Variants in KCNJ12 observed in about 807,000 individuals in gnomAD.
KCNJ12 encodes potassium inwardly rectifying channel subfamily J member 12, also known as ATP-sensitive inward rectifier potassium channel 12.
KCNJ12 carries 2 observed loss-of-function variants against 22.3 expected under a neutral mutation model. That is an observed-to-expected ratio of 0.09 (90% CI 0.04 to 0.28). The LOEUF is 0.28. Among genes scored for constraint, KCNJ12 ranks in the 10% least tolerant of loss-of-function variants. The pLI is 1.00. For synonymous variants in KCNJ12, 117 were observed against 261.4 expected, an observed-to-expected ratio of 0.45 and a Z score of 5.33; for missense variants, 155 against 633.3, an observed-to-expected ratio of 0.24 and a Z score of 8.11.
chr17:21,395,004 A>C (rs2142057017), intron 1 of KCNJ12, among the ~76,000 whole-genome samples: 1 of 152,282 alleles, frequency 6.6e-6, no homozygotes, highest in South Asian at 2.1e-4. Flanking sequence ...CTAGCACAGA[A>C]GTGTTGATGA....
At chr17:21,403,472 C>T (rs1905748976) in intron 1 of KCNJ12, among the ~76,000 whole-genome samples, 1 of 152,250 alleles carries the variant, frequency 6.6e-6, no homozygotes, top group African/African-American at 2.4e-5. Flanking sequence ...TACCTTGTGT[C>T]CTTGCTCTCC....
At chr17:21,388,666 A>G (rs1380946858) in intron 1 of KCNJ12, among the ~76,000 whole-genome samples, 1 of 152,118 alleles carries the variant, frequency 6.6e-6, no homozygotes, top group African/African-American at 2.4e-5. Context: ...AATAATGAAA[A>G]CGACTGCTTA....
chr17:21,386,540 G>C (rs782170033), intron 1 of KCNJ12, among the ~76,000 whole-genome samples: 1 of 151,836 alleles, frequency 6.6e-6, no homozygotes, highest in Non-Finnish European at 1.5e-5. Context: ...ATGGAGTCTC[G>C]CTCTGTCACC....
At chr17:21,387,547 C>T (rs571321171) in intron 1 of KCNJ12, among the ~76,000 whole-genome samples, 1 of 151,948 alleles carries the variant, frequency 6.6e-6, no homozygotes, top group Non-Finnish European at 1.5e-5. Context: ...ACCAGCAGTG[C>T]ATCCTCGGGT....
At chr17:21,379,791 G>T (rs1384786715) in intron 1 of KCNJ12, among the ~76,000 whole-genome samples, 1 of 152,090 alleles carries the variant, frequency 6.6e-6, no homozygotes, top group African/African-American at 2.4e-5. Context: ...ATGGGGTTGG[G>T]GGTGGGGGGG....
intron 1 of KCNJ12, among the ~76,000 whole-genome samples, chr17:21,394,481 C>T (rs1905286686): frequency 6.6e-6 from 1 of 152,176 alleles, no homozygotes; most frequent in South Asian, 2.1e-4. Flanking sequence ...TGTATTCCAT[C>T]GTTAATCGAG....
At chr17:21,410,426 A>G (rs1411002541) in intron 2 of KCNJ12, among the ~76,000 whole-genome samples, 1 of 152,230 alleles carries the variant, frequency 6.6e-6, no homozygotes, top group Non-Finnish European at 1.5e-5. Context: ...TGGCTGAGGA[A>G]TGGTGCTTGC....
intron 1 of KCNJ12, among the ~76,000 whole-genome samples, chr17:21,396,460 C>T (rs1377920119): frequency 6.6e-6 from 1 of 152,188 alleles, no homozygotes; most frequent in Non-Finnish European, 1.5e-5. Context: ...GCATGCCCAT[C>T]CCAGTCCTCC....
chr17:21,401,084 G>C (rs1905596378), intron 1 of KCNJ12, among the ~76,000 whole-genome samples: 1 of 152,298 alleles, frequency 6.6e-6, no homozygotes, highest in East Asian at 1.9e-4. Flanking sequence ...CTGTCCTTGG[G>C]CTCTGCGGCA....
chr17:21,399,740 C>G (rs1235630416), intron 1 of KCNJ12, among the ~76,000 whole-genome samples: 1 of 152,186 alleles, frequency 6.6e-6, no homozygotes, highest in Admixed American at 6.5e-5. Flanking sequence ...CGTGCGTGGT[C>G]AAATCCTAGG....
chr17:21,382,388 G>A (rs1904898344), intron 1 of KCNJ12, among the ~76,000 whole-genome samples: 1 of 152,164 alleles, frequency 6.6e-6, no homozygotes. Context: ...AGGGGATGGG[G>A]CTGGCAGGGA....
rs58780973 is a variant in KCNJ12 at position 21,415,283 on chromosome 17, G to A, written c.-56-4G>A. 6.4e-7 allele frequency: 1 copy of A among 1,567,396 alleles called. No individual in the cohort carries two copies. Among genetic ancestry groups the A allele is most frequent in the Admixed American group, 1.8e-5 (1 of 55,210 alleles). On this transcript the variant is annotated splice_polypyrimidine_tract_variant and splice_region_variant and intron_variant, in intron 2 of 2. Transcript: ENST00000583088. Reference sequence around the variant, plus strand: ...AGCCAGACATGCTGTCGTCTCTGTTGCAGGAGCCGCCCTGCCTGGAGCTAG... The same window carrying A: ...AGCCAGACATGCTGTCGTCTCTGTTACAGGAGCCGCCCTGCCTGGAGCTAG...
chr17:21,399,333 T>G (rs1380545282), intron 1 of KCNJ12, among the ~76,000 whole-genome samples: 2 of 152,174 alleles, frequency 1.3e-5, no homozygotes, highest in African/African-American at 2.4e-5. Flanking sequence ...CTCCTGGGGT[T>G]GTCAAGAGAT....
chr17:21,400,891 G>C (rs1321589023), intron 1 of KCNJ12, among the ~76,000 whole-genome samples: 1 of 152,298 alleles, frequency 6.6e-6, no homozygotes, highest in South Asian at 2.1e-4. Flanking sequence ...AGCAAGACCC[G>C]GTGGCAGCCG....
chr17:21,408,944 C>A (rs1479239412), intron 2 of KCNJ12, among the ~76,000 whole-genome samples: 1 of 152,312 alleles, frequency 6.6e-6, no homozygotes, highest in African/African-American at 2.4e-5. Flanking sequence ...TCCACCCACC[C>A]ATCTGTCAAC....
intron 1 of KCNJ12, among the ~76,000 whole-genome samples, chr17:21,389,091 A>G (rs371613300): frequency 4.6e-4 from 70 of 152,302 alleles, no homozygotes; most frequent in African/African-American, 1.6e-3. Flanking sequence ...ACCCCATTTA[A>G]ACTGCAGTTG....
intron 2 of KCNJ12, among the ~76,000 whole-genome samples, chr17:21,410,084 C>T (rs1187253461): frequency 1.6e-4 from 24 of 152,330 alleles, no homozygotes; most frequent in Non-Finnish European, 2.9e-4. Context: ...AGCTTCCTCA[C>T]TGCCCCCAGG....
intron 1 of KCNJ12, among the ~76,000 whole-genome samples, chr17:21,384,836 G>A (rs1354510893): frequency 2.0e-5 from 3 of 148,946 alleles, no homozygotes; most frequent in East Asian, 2.0e-4. Flanking sequence ...GCAATGGCGC[G>A]ATCTCAGCTC....
intron 1 of KCNJ12, among the ~76,000 whole-genome samples, chr17:21,395,708 T>C (rs1271416547): frequency 6.6e-6 from 1 of 152,108 alleles, no homozygotes; most frequent in Non-Finnish European, 1.5e-5. Context: ...TTAATCCTCA[T>C]GACAATCACA....
Sources: allele counts gnomAD v4.1 joint callset (sites outside exome capture counted in the v4.1 genomes callset), GRCh38; gene constraint gnomAD v4.1.1; transcripts MANE v1.5; gene names NCBI Gene and HGNC (gene_info 2026-07-23, HGNC 2026-07-21).